SLC35F4: variants seen among roughly 807,000 people sequenced by gnomAD.
SLC35F4 encodes chromosome 14 open reading frame 36.
A neutral mutation model predicts 44.2 loss-of-function variants in SLC35F4; 24 were observed. The ratio of observed to expected loss-of-function variants is 0.54; its 90% CI spans 0.39 to 0.76. SLC35F4 has a LOEUF of 0.76. Among genes scored for constraint, SLC35F4 ranks in the 30% least tolerant of loss-of-function variants. The pLI is 0.00. For synonymous variants in SLC35F4, 238 were observed against 223.6 expected (o/e 1.06, Z -0.57); for missense variants, 562 against 586.1 (o/e 0.96, Z 0.42).
At chr14:57,740,795 T>A (rs1468088719) in intron 1 of SLC35F4, among the ~76,000 whole-genome samples, 1 of 152,200 alleles carries the variant, frequency 6.6e-6, no homozygotes, top group African/African-American at 2.4e-5. Flanking sequence ...ATAAAAATGC[T>A]TTTAAAAGAT....
intron 1 of SLC35F4, among the ~76,000 whole-genome samples, chr14:57,690,237 C>A (rs1232209840): frequency 6.6e-6 from 1 of 152,120 alleles, no homozygotes; most frequent in Non-Finnish European, 1.5e-5. Flanking sequence ...CTATTGAGCA[C>A]CTACTGTGTG....
At chr14:57,720,974 C>T (rs1040942452) in intron 1 of SLC35F4, among the ~76,000 whole-genome samples, 9 of 59,236 alleles carry the variant, frequency 1.5e-4, no homozygotes. Context: ...AGTTAATAAA[C>T]TCCTCATATA....
intron 1 of SLC35F4, among the ~76,000 whole-genome samples, chr14:57,748,926 G>A (rs1197069440): frequency 6.6e-6 from 1 of 152,164 alleles, no homozygotes; most frequent in East Asian, 1.9e-4. Context: ...CCTAGGCACT[G>A]TGCTAGGTAC....
At chr14:57,965,485 T>C (rs190902008) in intron 1 of SLC35F4, among the ~76,000 whole-genome samples, 6 of 152,282 alleles carry the variant, frequency 3.9e-5, no homozygotes, top group Non-Finnish European at 5.9e-5. Flanking sequence ...ACATGTAAGA[T>C]CACATACCCA....
intron 1 of SLC35F4, among the ~76,000 whole-genome samples, chr14:57,955,633 C>CTA (rs1158884666): frequency 1.3e-5 from 2 of 152,122 alleles, no homozygotes; most frequent in Non-Finnish European, 2.9e-5. Context: ...ACAAGCATTC[C>CTA]TATACATCAA....
chr14:57,952,522 G>A (rs550200532), intron 1 of SLC35F4, among the ~76,000 whole-genome samples: 1 of 151,940 alleles, frequency 6.6e-6, no homozygotes, highest in African/African-American at 2.4e-5. Flanking sequence ...ACCCATGCAA[G>A]GAAGCTAAGA....
chr14:57,629,847 A>T, intron 1 of SLC35F4: 1 of 339,034 alleles, frequency 2.9e-6, no homozygotes, highest in South Asian at 2.4e-5. Flanking sequence ...GCAGCCGGAG[A>T]TGCAGACAGT....
rs372001295 is a variant in SLC35F4 at position 57,589,248 on chromosome 14, A to G, written c.555T>C (p.Ala185=). The change falls in exon 3 of 8, where the codon GCT becomes GCC. Residue 185 remains alanine (A), a synonymous_variant. Coordinates refer to ENST00000556826, the MANE Select transcript of SLC35F4 (RefSeq NM_001306087.2). ...TTTTCATTGGAGATTGCTTTTCTTG[A>G]GCAGTGGCTAGATGACCAGAATAAT... is the stretch of plus-strand genomic sequence containing the variant. The part of the protein sequence containing the change: ...PVYYSGHLAT[A]QEKQSPMKKF... The G allele has an allele frequency of 2.5e-6, 4 of 1,611,152 alleles. No individual in the cohort carries two copies. The highest frequency in any genetic ancestry group is 2.2e-5 in the East Asian group (1 of 44,854).
chr14:57,602,533 G>C (rs2070890498), intron 1 of SLC35F4: 1 of 152,148 alleles, frequency 6.6e-6, no homozygotes, highest in Non-Finnish European at 1.5e-5. Flanking sequence ...TAGGATCTCA[G>C]CATTCACATG....
At chr14:57,768,814 G>T (rs968694649) in intron 1 of SLC35F4, among the ~76,000 whole-genome samples, 18 of 151,942 alleles carry the variant, frequency 1.2e-4, no homozygotes, top group Non-Finnish European at 2.6e-4. Context: ...GCGCAGTAGC[G>T]CAATCTCGGC....
At chr14:57,862,990 A>G (rs1418981633) in intron 1 of SLC35F4, among the ~76,000 whole-genome samples, 2 of 152,238 alleles carry the variant, frequency 1.3e-5, no homozygotes, top group African/African-American at 4.8e-5. Flanking sequence ...TCTATTCCCT[A>G]CCTAAGTAAC....
Position 57,571,874 on chromosome 14 carries a change from A to G in SLC35F4, c.933+20T>C, listed in dbSNP as rs1341912693. The G allele has an allele frequency of 6.2e-7, 1 of 1,600,104 alleles. No individual in the cohort carries two copies. The highest frequency in any genetic ancestry group is 1.7e-5 in the Admixed American group (1 of 58,674). On this transcript the variant is annotated intron_variant, in intron 5 of 7. Coordinates refer to ENST00000556826, the MANE Select transcript of SLC35F4 (RefSeq NM_001306087.2). ...AAGTTATGAGTGACAGTTGCTTACA[A>G]AAGAAAGTGCACAACATACCTTATA...
chr14:57,937,555 G>GAAAGA (rs78960216), intron 1 of SLC35F4, among the ~76,000 whole-genome samples: 4 of 129,134 alleles, frequency 3.1e-5, no homozygotes, highest in Admixed American at 8.4e-5. Context: ...AGGAAGGAAG[G>GAAAGA]AAAGAAAAGA....
chr14:57,650,213 G>A (rs944321657), intron 1 of SLC35F4, among the ~76,000 whole-genome samples: 3 of 152,058 alleles, frequency 2.0e-5, no homozygotes, highest in African/African-American at 7.2e-5. Context: ...ATTACCCATA[G>A]GCTGATCATT....
intron 1 of SLC35F4, among the ~76,000 whole-genome samples, chr14:57,708,613 A>G (rs1451205461): frequency 6.6e-6 from 1 of 152,174 alleles, no homozygotes; most frequent in Non-Finnish European, 1.5e-5. Context: ...CTTGTAGGGT[A>G]CAGCCCCACA....
chr14:57,921,830 A>G (rs940461292), intron 1 of SLC35F4, among the ~76,000 whole-genome samples: 2 of 152,154 alleles, frequency 1.3e-5, no homozygotes, highest in South Asian at 2.1e-4. Flanking sequence ...CTATTTCCAG[A>G]TTAGGTCACG....
At chr14:57,625,241 C>G (rs1330022889) in intron 1 of SLC35F4, among the ~76,000 whole-genome samples, 12 of 152,102 alleles carry the variant, frequency 7.9e-5, no homozygotes. Flanking sequence ...ATATCACTTA[C>G]AAGGGATGTG....
At chr14:57,898,509 A>G (rs1223644590) in intron 1 of SLC35F4, among the ~76,000 whole-genome samples, 1 of 152,246 alleles carries the variant, frequency 6.6e-6, no homozygotes, top group Non-Finnish European at 1.5e-5. Flanking sequence ...GACAAAAACT[A>G]GAAGAAAACA....
downstream of SLC35F4, among the ~76,000 whole-genome samples, chr14:57,972,420 G>A (rs1881080749): frequency 6.6e-6 from 1 of 151,798 alleles, no homozygotes; most frequent in Non-Finnish European, 1.5e-5. Flanking sequence ...AAGAGATGGA[G>A]AGAACAGGAA....
Sources: allele counts gnomAD v4.1 joint callset (sites outside exome capture counted in the v4.1 genomes callset), GRCh38; gene constraint gnomAD v4.1.1; transcripts MANE v1.5; gene names NCBI Gene and HGNC (gene_info 2026-07-23, HGNC 2026-07-21).